Variants in GRID2 observed in about 807,000 individuals in gnomAD.
GRID2 encodes the protein glutamate receptor ionotropic, delta-2.
GRID2 carries 33 observed loss-of-function variants against 114.8 expected under a neutral mutation model. That is an observed-to-expected ratio of 0.29 (90% confidence interval 0.22 to 0.38). GRID2 has a LOEUF of 0.38. Among genes scored for constraint, GRID2 ranks in the 10% least tolerant of loss-of-function variants. The pLI is 1.00. For synonymous variants in GRID2, 505 were observed against 449.9 expected, an observed-to-expected ratio of 1.12 and a Z score of -1.55; for missense variants, 1,184 against 1,257.7, an observed-to-expected ratio of 0.94 and a Z score of 0.89.
At chr4:92,750,869 CAA>C (rs1359795913) in intron 2 of GRID2, among the ~76,000 whole-genome samples, 11 of 151,990 alleles carry the variant, frequency 7.2e-5, no homozygotes, top group African/African-American at 2.7e-4. Context: ...TTATTGGTAA[CAA>C]TAATTTTAGA....
At chr4:93,199,335 T>G (rs956052208) in intron 4 of GRID2, among the ~76,000 whole-genome samples, 1 of 152,208 alleles carries the variant, frequency 6.6e-6, no homozygotes, top group Admixed American at 6.5e-5. Context: ...GTTCAATCTT[T>G]GTTCAATAAT....
At chr4:93,009,520 G>A (rs1380240460) in intron 2 of GRID2, among the ~76,000 whole-genome samples, 1 of 152,086 alleles carries the variant, frequency 6.6e-6, no homozygotes, top group African/African-American at 2.4e-5. Flanking sequence ...TTTAATGTAT[G>A]ACATTTTCAT....
intron 2 of GRID2, among the ~76,000 whole-genome samples, chr4:92,761,373 C>T (rs573662293): frequency 1.8e-4 from 27 of 152,208 alleles, no homozygotes; most frequent in African/African-American, 5.8e-4. Context: ...CACTGTGTTA[C>T]CAAATTTCAG....
At chr4:92,653,036 G>A (rs529686664) in intron 2 of GRID2, among the ~76,000 whole-genome samples, 12 of 141,250 alleles carry the variant, frequency 8.5e-5, no homozygotes, top group Middle Eastern at 4.0e-3. Context: ...TTCTAAGTTG[G>A]CGTCTCACTC....
chr4:93,533,273 CCTTCCTT>C (rs1560722298), intron 13 of GRID2, among the ~76,000 whole-genome samples: 3 of 126,036 alleles, frequency 2.4e-5, no homozygotes, highest in Non-Finnish European at 4.9e-5. Flanking sequence ...TTCCTTCCTT[CCTTCCTT>C]CCTTCCTTCC....
At chr4:93,391,241 G>A (rs146349018) in intron 8 of GRID2, among the ~76,000 whole-genome samples, 2 of 152,242 alleles carry the variant, frequency 1.3e-5, no homozygotes, top group African/African-American at 4.8e-5. Context: ...ATGTCAAAGT[G>A]GAAAACATTC....
At chr4:93,217,797 A>G (rs892150762) in intron 6 of GRID2, among the ~76,000 whole-genome samples, 5 of 152,142 alleles carry the variant, frequency 3.3e-5, no homozygotes, top group Non-Finnish European at 5.9e-5. Flanking sequence ...ATGCTAGCAT[A>G]TAAGTTAATA....
intron 2 of GRID2, among the ~76,000 whole-genome samples, chr4:92,837,867 G>T (rs140043616): frequency 6.6e-6 from 1 of 152,002 alleles, no homozygotes; most frequent in East Asian, 1.9e-4. Flanking sequence ...TTTGAGCCGC[G>T]AATTCAAGTC....
chr4:93,354,919 T>G (rs1280642030), intron 8 of GRID2, among the ~76,000 whole-genome samples: 2 of 148,498 alleles, frequency 1.3e-5, no homozygotes, highest in African/African-American at 2.5e-5. Context: ...TATTTTTGCC[T>G]GGTTGCCCCC....
intron 2 of GRID2, among the ~76,000 whole-genome samples, chr4:92,681,255 T>G (rs1308877469): frequency 6.6e-6 from 1 of 152,116 alleles, no homozygotes. Flanking sequence ...TGAGGGTAAT[T>G]GTTGAAGACA....
intron 11 of GRID2, among the ~76,000 whole-genome samples, chr4:93,467,846 AT>A (rs1724439683): frequency 6.6e-6 from 1 of 152,112 alleles, no homozygotes; most frequent in Non-Finnish European, 1.5e-5. Context: ...AACTACACTA[AT>A]TTTTACATTG....
intron 4 of GRID2, among the ~76,000 whole-genome samples, chr4:93,193,560 C>T (rs1226100172): frequency 1.3e-5 from 2 of 152,142 alleles, no homozygotes; most frequent in African/African-American, 2.4e-5. Flanking sequence ...GAGGCCTCCC[C>T]AGCCACACTG....
chr4:93,003,478 C>T (rs1245719167), intron 2 of GRID2, among the ~76,000 whole-genome samples: 5 of 151,922 alleles, frequency 3.3e-5, no homozygotes, highest in Non-Finnish European at 5.9e-5. Context: ...TAAGTATATT[C>T]AGTTTCCATG....
At chr4:93,780,760 G>A (rs529704577) in intron 1 of GRID2, among the ~76,000 whole-genome samples, 8 of 152,316 alleles carry the variant, frequency 5.3e-5, no homozygotes, top group East Asian at 1.9e-4. Flanking sequence ...GAAAACCTCC[G>A]TCAGTGGCAG....
chr4:92,688,793 G>A (rs1368388147), intron 2 of GRID2, among the ~76,000 whole-genome samples: 3 of 151,992 alleles, frequency 2.0e-5, no homozygotes, highest in Non-Finnish European at 4.4e-5. Context: ...AACTGTTAAC[G>A]TTCTTAATGG....
intron 1 of GRID2, among the ~76,000 whole-genome samples, chr4:92,407,470 A>G (rs151286153): frequency 6.6e-6 from 1 of 152,094 alleles, no homozygotes; most frequent in African/African-American, 2.4e-5. Flanking sequence ...GCTGTGTCAC[A>G]TGGTAGTTAT....
At chr4:93,485,005 G>T (rs952852239) in intron 11 of GRID2, among the ~76,000 whole-genome samples, 2 of 151,826 alleles carry the variant, frequency 1.3e-5, no homozygotes, top group South Asian at 4.1e-4. Flanking sequence ...TCATTTATCA[G>T]AATGATTGAC....
chr4:93,515,923 AC>A (rs1729675296), intron 13 of GRID2, among the ~76,000 whole-genome samples: 1 of 152,126 alleles, frequency 6.6e-6, no homozygotes, highest in African/African-American at 2.4e-5. Context: ...TTTACATCTT[AC>A]TTTTTCTATA....
At chr4:92,581,232 C>G (rs1202944088) in intron 1 of GRID2, among the ~76,000 whole-genome samples, 25 of 148,010 alleles carry the variant, frequency 1.7e-4, no homozygotes, top group Non-Finnish European at 4.5e-5. Context: ...GTCACAAGTA[C>G]TCTTTAAAAA....
Sources: gnomAD v4.1 joint callset for allele counts (sites outside exome capture counted in the v4.1 genomes callset) on GRCh38, gnomAD v4.1.1 for gene constraint, MANE v1.5 for transcripts, NCBI Gene and HGNC (gene_info 2026-07-23, HGNC 2026-07-21) for gene names.